PALM2AKAP2: variants seen among roughly 807,000 people sequenced by gnomAD.
PALM2AKAP2 encodes the protein PALM2 and AKAP2 fusion, also known as PALM2-AKAP2 fusion protein.
Under a neutral mutation model 71.5 loss-of-function variants are expected in PALM2AKAP2, and 37 were observed. The observed-to-expected ratio is 0.52, with a 90% CI of 0.40 to 0.68. The LOEUF is 0.68. PALM2AKAP2 is among the 30% of genes least tolerant of loss of function. The pLI is 0.00. For missense variants in PALM2AKAP2, 1,224 were observed against 1,191.8 expected (o/e 1.03, Z -0.40); for synonymous variants, 468 against 478.8 (o/e 0.98, Z 0.29).
At chr9:109,776,976 A>G (rs1829357840), upstream of PALM2AKAP2, among the ~76,000 whole-genome samples, 1 of 152,154 alleles carries the variant, frequency 6.6e-6, no homozygotes, top group Non-Finnish European at 1.5e-5. Context: ...ACCCATCCCT[A>G]ACTCCCACAT....
intron 6 of PALM2AKAP2, among the ~76,000 whole-genome samples, chr9:109,990,374 T>A (rs1346247767): frequency 6.6e-6 from 1 of 152,198 alleles, no homozygotes; most frequent in African/African-American, 2.4e-5. Flanking sequence ...CGCATTGTTT[T>A]CTTAGGGGTT....
At chr9:110,126,652 C>T (rs908911624) in intron 1 of PALM2AKAP2, among the ~76,000 whole-genome samples, 4 of 152,196 alleles carry the variant, frequency 2.6e-5, no homozygotes, top group African/African-American at 9.7e-5. Context: ...TCAGTCACTC[C>T]TGTAAGAAGT....
At chr9:109,975,213 A>G (rs1235881235) in intron 6 of PALM2AKAP2, among the ~76,000 whole-genome samples, 2 of 152,206 alleles carry the variant, frequency 1.3e-5, no homozygotes, top group Non-Finnish European at 2.9e-5. Flanking sequence ...ACTATCTACA[A>G]GCTGGAGGCC....
At chr9:110,057,537 C>T (rs1285785471) in intron 1 of PALM2AKAP2, among the ~76,000 whole-genome samples, 1 of 152,012 alleles carries the variant, frequency 6.6e-6, no homozygotes, top group African/African-American at 2.4e-5. Flanking sequence ...TGCCACCACG[C>T]CCGGCTAATT....
At chr9:109,826,329 C>T (rs1307750576) in intron 1 of PALM2AKAP2, among the ~76,000 whole-genome samples, 5 of 151,856 alleles carry the variant, frequency 3.3e-5, no homozygotes, top group East Asian at 3.9e-4. Context: ...CAAACCTGCA[C>T]GTTGTGCACA....
intron 6 of PALM2AKAP2, among the ~76,000 whole-genome samples, chr9:109,937,617 C>G (rs1831257464): frequency 6.6e-6 from 1 of 152,114 alleles, no homozygotes; most frequent in Admixed American, 6.5e-5. Flanking sequence ...ATACTCCAAT[C>G]TCATTGTCAT....
intron 1 of PALM2AKAP2, among the ~76,000 whole-genome samples, chr9:109,686,308 G>A (rs1278842045): frequency 6.6e-6 from 1 of 152,108 alleles, no homozygotes; most frequent in Non-Finnish European, 1.5e-5. Flanking sequence ...TTAATCAAAG[G>A]AATCATTATC....
intron 6 of PALM2AKAP2, among the ~76,000 whole-genome samples, chr9:110,012,024 G>A (rs745895008): frequency 5.3e-5 from 8 of 152,214 alleles, no homozygotes; most frequent in Non-Finnish European, 7.3e-5. Context: ...GCTGGGCACG[G>A]TGGCTTATGC....
At chr9:109,736,438 C>A (rs1403483109) in intron 1 of PALM2AKAP2, among the ~76,000 whole-genome samples, 1 of 152,154 alleles carries the variant, frequency 6.6e-6, no homozygotes, top group Non-Finnish European at 1.5e-5. Flanking sequence ...CAGACCACCA[C>A]TCAGTCACTA....
intron 1 of PALM2AKAP2, among the ~76,000 whole-genome samples, chr9:109,689,893 C>A (rs938941549): frequency 2.0e-5 from 3 of 152,208 alleles, no homozygotes; most frequent in Admixed American, 6.5e-5. Context: ...ACCAAGTTCA[C>A]CACCCAACTG....
intron 3 of PALM2AKAP2, among the ~76,000 whole-genome samples, chr9:109,919,139 G>A (rs980317865): frequency 1.3e-5 from 2 of 152,214 alleles, no homozygotes; most frequent in South Asian, 2.1e-4. Context: ...TCACGATCTT[G>A]TTTGTTTTAG....
exon 4 of PALM2AKAP2, chr9:110,169,973 T>G (rs1271245538): frequency 6.6e-6 from 1 of 152,636 alleles, no homozygotes; most frequent in African/African-American, 2.4e-5. Context: ...TTTGTAATAT[T>G]AAGTTGACCT....
chr9:110,025,692 C>T (rs1438885825), intron 7 of PALM2AKAP2, among the ~76,000 whole-genome samples: 1 of 152,174 alleles, frequency 6.6e-6, no homozygotes, highest in Non-Finnish European at 1.5e-5. Flanking sequence ...ACATCCTAGC[C>T]AACACTTACT....
chr9:109,927,440 C>A (rs1457622702), intron 5 of PALM2AKAP2, among the ~76,000 whole-genome samples: 2 of 152,198 alleles, frequency 1.3e-5, no homozygotes, highest in African/African-American at 2.4e-5. Flanking sequence ...CAGTTAATTT[C>A]TGATGCGTGC....
chr9:109,700,407 A>C (rs1363120145), intron 1 of PALM2AKAP2, among the ~76,000 whole-genome samples: 1 of 152,162 alleles, frequency 6.6e-6, no homozygotes, highest in Non-Finnish European at 1.5e-5. Flanking sequence ...CATGATTTTG[A>C]GGCCTCCCCA....
intron 1 of PALM2AKAP2, among the ~76,000 whole-genome samples, chr9:109,739,976 A>T (rs1462298843): frequency 6.6e-6 from 1 of 152,198 alleles, no homozygotes; most frequent in Non-Finnish European, 1.5e-5. Flanking sequence ...AATATCATAG[A>T]GTTCTTTGAA....
intron 1 of PALM2AKAP2, among the ~76,000 whole-genome samples, chr9:109,786,708 C>A (rs1389271142): frequency 6.6e-6 from 1 of 152,116 alleles, no homozygotes; most frequent in Non-Finnish European, 1.5e-5. Context: ...TTATTTGTAC[C>A]TCTGAGTATT....
intron 1 of PALM2AKAP2, among the ~76,000 whole-genome samples, chr9:109,787,521 G>A (rs1827002184): frequency 6.6e-6 from 1 of 152,192 alleles, no homozygotes; most frequent in Non-Finnish European, 1.5e-5. Flanking sequence ...TGGATTATTT[G>A]TAGTAAGCAG....
chr9:110,017,853 G>A (rs1018223517), intron 7 of PALM2AKAP2, among the ~76,000 whole-genome samples: 3 of 151,140 alleles, frequency 2.0e-5, no homozygotes, highest in Admixed American at 6.6e-5. Flanking sequence ...TCAGCCTCCC[G>A]AGTAGCTGGG....
Sources: allele counts gnomAD v4.1 joint callset (sites outside exome capture counted in the v4.1 genomes callset), GRCh38; gene constraint gnomAD v4.1.1; transcripts MANE v1.5; gene names NCBI Gene and HGNC (gene_info 2026-07-23, HGNC 2026-07-21).